MACROH2A2: variants seen among roughly 807,000 people sequenced by gnomAD.
MACROH2A2 encodes the protein macroH2A.2 histone.
MACROH2A2 carries 6 observed loss-of-function variants against 37.6 expected under a neutral mutation model. That is an observed-to-expected ratio of 0.16 (90% confidence interval 0.09 to 0.32). MACROH2A2 has a LOEUF of 0.32. Among genes scored for constraint, MACROH2A2 ranks in the 10% least tolerant of loss-of-function variants. MACROH2A2 has a pLI of 1.00. For synonymous variants in MACROH2A2, 192 were observed against 202.7 expected, an observed-to-expected ratio of 0.95 and a Z score of 0.45; for missense variants, 290 against 485.9, an observed-to-expected ratio of 0.60 and a Z score of 3.79.
intron 6 of MACROH2A2, chr10:70,099,618 G>C (rs1047315134): frequency 6.6e-6 from 1 of 151,964 alleles, no homozygotes; most frequent in Non-Finnish European, 1.5e-5. Context: ...GTTCCACTTG[G>C]CCTGTGTAGA....
Position 70,111,709 on chromosome 10 carries a change from G to A in MACROH2A2, c.*26G>A, listed in dbSNP as rs1391236787. The stretch of plus-strand genomic sequence containing the variant: ...CCGCCGCACTTTCCAGCAGGGATCG[G>A]AGGACGACCCGAGTCCCAAGAGTGG... On this transcript the variant is annotated 3_prime_UTR_variant, in exon 9 of 9. Coordinates refer to ENST00000373255, the MANE Select transcript of MACROH2A2 (RefSeq NM_018649.3). 2 of 1,561,774 alleles carry A rather than the reference G, an allele frequency of 1.3e-6. No individual in the cohort carries two copies. The highest frequency in any genetic ancestry group is 2.3e-5 in the South Asian group (2 of 85,600).
intron 6 of MACROH2A2, chr10:70,098,746 C>CGT (rs1184126580): frequency 3.3e-5 from 5 of 152,362 alleles, no homozygotes; most frequent in Admixed American, 2.6e-4. Flanking sequence ...CGAGGAGGCG[C>CGT]GTCGTGCCTG....
chr10:70,072,692 C>G (rs1589832813), intron 1 of MACROH2A2, among the ~76,000 whole-genome samples: 1 of 152,106 alleles, frequency 6.6e-6, no homozygotes, highest in African/African-American at 2.4e-5. Flanking sequence ...TGTGGTGGCT[C>G]ACACCTGTAA....
rs116614043 is a variant in MACROH2A2, at chr10:70,109,038, G to A, written c.784G>A (p.Val262Ile). The A allele has an allele frequency of 2.2e-5, 36 of 1,613,976 alleles. No individual in the cohort carries two copies. Among genetic ancestry groups the A allele is most frequent in the Non-Finnish European group, 2.8e-5 (33 of 1,179,862 alleles). The change falls in exon 8 of 9, where the codon GTC (valine) becomes ATC (isoleucine). Residue 262 changes from valine to isoleucine, a missense_variant. Physicochemically the swap from Val to Ile is conservative, Grantham distance 29. Transcript: ENST00000373255. ...TTTTCTCTCCTATGTCCCAGCCGCCGTCAGCCAATCCAGTGGACTCGCAGC... is the reference window on the plus strand; with the variant it reads ...TTTTCTCTCCTATGTCCCAGCCGCCATCAGCCAATCCAGTGGACTCGCAGC... ...QGPLEVAEAA[V>I]SQSSGLAAKF... is the part of the protein sequence containing the mutation.
intron 6 of MACROH2A2, chr10:70,099,059 A>G (rs965542171): frequency 1.3e-5 from 2 of 152,324 alleles, no homozygotes; most frequent in Admixed American, 6.5e-5. Context: ...AGCTTCAGTT[A>G]CCCGGCCTTC....
At chr10:70,089,146 G>A (rs776360575) in intron 2 of MACROH2A2, among the ~76,000 whole-genome samples, 3 of 152,142 alleles carry the variant, frequency 2.0e-5, no homozygotes, top group Non-Finnish European at 4.4e-5. Context: ...AAGTCCAAGT[G>A]GGCACCCAGA....
Position 70,109,179 on chromosome 10 carries a change from G to A in MACROH2A2, c.925G>A (p.Val309Ile), listed in dbSNP as rs762910839. Residue 309 changes from valine to isoleucine, a missense_variant, in exon 8 of 9, where the codon GTC (valine) becomes ATC (isoleucine). Physicochemically the swap from Val to Ile is conservative, Grantham distance 29. Around this residue, in one of 3 missense-constraint regions of MACROH2A2, gnomAD observed 130 missense variants for 257.1 expected, o/e 0.51. Coordinates refer to ENST00000373255, the MANE Select transcript of MACROH2A2 (RefSeq NM_018649.3). ...SAAEDKKLKS[V>I]AFPPFPSGRN... The stretch of plus-strand genomic sequence containing the variant: ...GGCGGAGGACAAGAAGCTAAAGTCC[G>A]TCGCGTTCCCGCCTTTCCCCAGCGG... 22 of 1,614,108 alleles carry A rather than the reference G, an allele frequency of 1.4e-5. No individual in the cohort carries two copies. Among genetic ancestry groups the A allele is most frequent in the Non-Finnish European group, 1.7e-5 (20 of 1,179,978 alleles).
In MACROH2A2 at chr10:70,093,042, C is replaced by T. The variant is rs1189532401; in HGVS notation, c.478-693C>T. On this transcript the variant is annotated intron_variant, in intron 4 of 8. Transcript: ENST00000373255. The stretch of plus-strand genomic sequence containing the variant: ...AAGAGACAGGGGTCTCACTCTGTCA[C>T]CCAGGCTGGAGTACAGTAATGCAGT... 2.6e-5 allele frequency among the ~76,000 whole-genome samples: 4 copies of T among 151,884 alleles called. No individual in the cohort carries two copies. In the East Asian group the frequency reaches 5.8e-4, roughly 22 times the overall value.
chr10:70,109,203 G>T lies in MACROH2A2; in HGVS notation c.949G>T (p.Gly317Cys). Residue 317 changes from glycine (G) to cysteine (C), a missense_variant, in exon 8 of 9, where the codon GGC becomes TGC. Gly to Cys is a radical substitution (Grantham distance 159). This residue lies in a region of MACROH2A2 where 130 missense variants were observed against 257.1 expected (regional missense o/e 0.51). Coordinates refer to ENST00000373255, the MANE Select transcript of MACROH2A2 (RefSeq NM_018649.3). ...KSVAFPPFPS[G>C]RNCFPKQTAA... ...CGTCGCGTTCCCGCCTTTCCCCAGC[G>T]GCAGGTAAGATGCAGTTCCCCTGAG... The T allele has an allele frequency of 3.7e-6, 6 of 1,613,508 alleles. No individual in the cohort carries two copies. The highest frequency in any genetic ancestry group is 5.1e-6 in the Non-Finnish European group (6 of 1,179,714).
chr10:70,109,334 C>T, intron 8 of MACROH2A2, 127 bp downstream of exon 8: 1 of 771,484 alleles, frequency 1.3e-6, no homozygotes, highest in Admixed American at 2.2e-5. Context: ...GACCAGATGA[C>T]AGGGCAGGAA....
At position 70,109,183 on chromosome 10, in the gene MACROH2A2, C is replaced by T. The variant is rs921608745; in HGVS notation, c.929C>T (p.Ala310Val). 10 of 1,613,976 alleles carry T rather than the reference C, an allele frequency of 6.2e-6. No individual in the cohort carries two copies. The highest frequency in any genetic ancestry group is 1.1e-5 in the South Asian group (1 of 91,086). The change falls in exon 8 of 9, where the codon GCG becomes GTG. Residue 310 changes from alanine (A) to valine (V), a missense_variant. By Grantham distance (64) the Ala-to-Val change is moderately conservative (BLOSUM62 0). Coordinates refer to ENST00000373255, the MANE Select transcript of MACROH2A2 (RefSeq NM_018649.3). ...GAGGACAAGAAGCTAAAGTCCGTCG[C>T]GTTCCCGCCTTTCCCCAGCGGCAGG... ...AAEDKKLKSV[A>V]FPPFPSGRNC... is the part of the protein sequence containing the mutation.
intron 2 of MACROH2A2, among the ~76,000 whole-genome samples, chr10:70,087,390 G>A: frequency 6.6e-6 from 1 of 151,972 alleles, no homozygotes; most frequent in East Asian, 1.9e-4. Context: ...ACGCCACCAA[G>A]CCTGGCTAAT....
chr10:70,100,935 C>T lies in MACROH2A2; in HGVS notation c.778+638C>T, dbSNP rs888061879. ...CCCGGCCACTGGAACTATTTTAAAG[C>T]GTATAATTCAGTGGCATTAAGTACT... On this transcript the variant is annotated intron_variant, in intron 7 of 8. Transcript: ENST00000373255. Among the ~76,000 whole-genome samples the T allele has an allele frequency of 3.3e-5, 5 of 152,244 alleles. No homozygotes were observed. In the East Asian group the frequency reaches 5.8e-4, roughly 18 times the overall value.
rs1026963845 is a variant in MACROH2A2, at chr10:70,075,422, C to T, written c.-59-178C>T. 2.6e-5 allele frequency among the ~76,000 whole-genome samples: 4 copies of T among 152,202 alleles called. No individual in the cohort carries two copies. The highest frequency in any genetic ancestry group is 2.6e-4 in the Admixed American group (4 of 15,284). On this transcript the variant is annotated intron_variant, in intron 1 of 8. Transcript: ENST00000373255. The surrounding 1 kb of genome is among the most constrained non-coding windows in gnomAD (Gnocchi z 5.0). ...AGGGATGTTTGTGGGTGGGCTTGCCCATGCCCTTCAGAGACCCCATGCCTG... is the reference window on the plus strand; with the variant it reads ...AGGGATGTTTGTGGGTGGGCTTGCCTATGCCCTTCAGAGACCCCATGCCTG...
At chr10:70,060,965 G>C (rs1166689097) in intron 1 of MACROH2A2, among the ~76,000 whole-genome samples, 4 of 149,774 alleles carry the variant, frequency 2.7e-5, no homozygotes, top group Non-Finnish European at 5.9e-5. Flanking sequence ...CTGGGTGACA[G>C]AGACTCTGTC....
rs2072272427 is a variant in MACROH2A2 at position 70,095,684 on chromosome 10, A to G, written c.619A>G (p.Ile207Val). ...LSLTQSDISH[I>V]GSMRVEGIVH... The stretch of plus-strand genomic sequence containing the variant: ...CTTAACCCAGAGTGACATCAGCCAT[A>G]TTGGCTCCATGAGAGTGGAGGGCAT... The change falls in exon 6 of 9, where the codon ATT becomes GTT. Residue 207 changes from isoleucine to valine, a missense_variant. Physicochemically the swap from Ile to Val is conservative, Grantham distance 29. This residue lies in a region of MACROH2A2 where 130 missense variants were observed against 257.1 expected (regional missense o/e 0.51). Transcript: ENST00000373255. 1 of 1,591,924 alleles carries G rather than the reference A, an allele frequency of 6.3e-7. No individual in the cohort carries two copies. Among genetic ancestry groups the G allele is most frequent in the Non-Finnish European group, 8.6e-7 (1 of 1,159,838 alleles).
At chr10:70,066,131 G>C (rs902142878) in intron 1 of MACROH2A2, among the ~76,000 whole-genome samples, 21 of 152,118 alleles carry the variant, frequency 1.4e-4, no homozygotes, top group Non-Finnish European at 8.8e-5. Flanking sequence ...TTGAGGCCAG[G>C]AGTTCAAGAC....
chr10:70,103,843 A>T (rs1272377157), intron 7 of MACROH2A2, among the ~76,000 whole-genome samples: 2 of 152,214 alleles, frequency 1.3e-5, no homozygotes, highest in African/African-American at 4.8e-5. Context: ...AAGGGAAAAA[A>T]AAAACTGTCA....
At chr10:70,108,448 G>T (rs1168267142) in intron 7 of MACROH2A2, among the ~76,000 whole-genome samples, 1 of 152,098 alleles carries the variant, frequency 6.6e-6, no homozygotes, top group Non-Finnish European at 1.5e-5. Context: ...CTTCTAAGCT[G>T]CAACATTCCT....
Sources: allele counts gnomAD v4.1 joint callset (sites outside exome capture counted in the v4.1 genomes callset), GRCh38; gene constraint gnomAD v4.1.1; regional missense constraint gnomAD v4.1.1; non-coding constraint Gnocchi (gnomAD v3.1); transcripts MANE v1.5; gene names NCBI Gene and HGNC (gene_info 2026-07-23, HGNC 2026-07-21).